The following MFAP1 variants were observed in gnomAD, a reference collection of about 807,000 sequenced individuals.
MFAP1 encodes microfibrillar-associated protein 1.
A neutral mutation model predicts 62.2 loss-of-function variants in MFAP1; 18 were observed. That is an observed-to-expected ratio of 0.29 (90% confidence interval 0.20 to 0.43). MFAP1 has a LOEUF of 0.43. Ranked by LOEUF, MFAP1 falls within the 20% of genes least tolerant of loss-of-function variation. The pLI, the probability that MFAP1 is intolerant of heterozygous loss-of-function variation, is 1.00. For missense variants in MFAP1, 355 were observed against 559.7 expected (o/e 0.63, Z 3.69); for synonymous variants, 175 against 180.4 (o/e 0.97, Z 0.24).
At chr15:43,820,408 A>G (rs1175891674) in intron 1 of MFAP1, among the ~76,000 whole-genome samples, 1 of 152,226 alleles carries the variant, frequency 6.6e-6, no homozygotes, top group Non-Finnish European at 1.5e-5. Flanking sequence ...TTATGGTTCT[A>G]ATTTGGGCAA....
intron 1 of MFAP1, 118 bp from the exon 2 acceptor site, chr15:43,817,566 G>A: frequency 1.0e-6 from 1 of 1,004,372 alleles, no homozygotes; most frequent in South Asian, 1.6e-5. Context: ...AGCAGAAGAA[G>A]AAGAGAGCCA....
chr15:43,817,314 C>T lies in MFAP1; in HGVS notation c.214G>A (p.Glu72Lys). 2 of 1,614,160 alleles carry T rather than the reference C, an allele frequency of 1.2e-6. No homozygotes were observed. Among genetic ancestry groups the T allele is most frequent in the Non-Finnish European group, 1.7e-6 (2 of 1,180,046 alleles). ...FIKKAKEQEA[E>K]PEEQEEDSSS... ...GAATCCTCCTCCTGTTCCTCAGGCT[C>T]TGCTTCTTGTTCTTTGGCTTTCTTA... Residue 72 changes from glutamate to lysine, a missense_variant, in exon 2 of 9, where the codon GAG (glutamate) becomes AAG (lysine). Around this residue, in one of 6 missense-constraint regions of MFAP1, gnomAD observed 257 missense variants for 341.3 expected, o/e 0.75. Transcript: ENST00000267812.
intron 7 of MFAP1, among the ~76,000 whole-genome samples, chr15:43,806,656 C>T (rs1596054456): frequency 1.3e-5 from 2 of 152,260 alleles, no homozygotes; most frequent in South Asian, 2.1e-4. Flanking sequence ...GGGCGGATCA[C>T]GAGGTCACGA....
chr15:43,809,513 A>G (rs1001268666), intron 7 of MFAP1, among the ~76,000 whole-genome samples: 3 of 151,470 alleles, frequency 2.0e-5, no homozygotes, highest in South Asian at 2.1e-4. Context: ...AAAAAAGTCT[A>G]TTACATCATT....
At position 43,814,578 on chromosome 15, in the gene MFAP1, T is replaced by G; in HGVS notation, c.540A>C (p.Glu180Asp). The G allele has an allele frequency of 6.2e-7, 1 of 1,614,166 alleles. No individual in the cohort carries two copies. Among genetic ancestry groups the G allele is most frequent in the Non-Finnish European group, 8.5e-7 (1 of 1,180,022 alleles). ...EDEGRSGEES[E>D]SESEYEEYTD... ...TGTACTCTTCATACTCAGACTCTGATTCTGACTCCTCTCCAGAACGACCCT... is the reference window on the plus strand; with the variant it reads ...TGTACTCTTCATACTCAGACTCTGAGTCTGACTCCTCTCCAGAACGACCCT... Residue 180 changes from glutamate (E) to aspartate (D), a missense_variant, in exon 4 of 9, where the codon GAA becomes GAC. Physicochemically the swap from Glu to Asp is conservative, Grantham distance 45 (BLOSUM62 2). Around this residue, in one of 6 missense-constraint regions of MFAP1, gnomAD observed 257 missense variants for 341.3 expected, o/e 0.75. Transcript: ENST00000267812.
chr15:43,815,058 T>C lies in MFAP1; in HGVS notation c.316A>G (p.Lys106Glu), dbSNP rs1596057388. 6.2e-7 allele frequency: 1 copy of C among 1,614,148 alleles called. No individual in the cohort carries two copies. The highest frequency in any genetic ancestry group is 8.5e-7 in the Non-Finnish European group (1 of 1,180,036). Residue 106 changes from lysine to glutamate, a missense_variant, in exon 3 of 9, where the codon AAA (lysine) becomes GAA (glutamate). Around this residue, in one of 6 missense-constraint regions of MFAP1, gnomAD observed 257 missense variants for 341.3 expected, o/e 0.75. Transcript: ENST00000267812. Reference sequence around the variant, plus strand: ...CCTACCACTTCAGGTTCCACTATTTTTCGATGTCGAGCCAATCTGAAAAAC... The same window carrying C: ...CCTACCACTTCAGGTTCCACTATTTCTCGATGTCGAGCCAATCTGAAAAAC... The part of the protein sequence containing the change: ...DVEERLARHR[K>E]IVEPEVVGES...
chr15:43,811,281 G>A (rs1007056642), intron 6 of MFAP1, among the ~76,000 whole-genome samples: 2 of 150,406 alleles, frequency 1.3e-5, no homozygotes, highest in African/African-American at 4.9e-5. Context: ...TGGGCGTGGT[G>A]GCATATACCT....
chr15:43,804,950 G>A lies in MFAP1; in HGVS notation c.*144C>T, dbSNP rs552138162. 2.2e-6 allele frequency: 2 copies of A among 894,370 alleles called. No individual in the cohort carries two copies. The highest frequency in any genetic ancestry group is 2.2e-5 in the South Asian group (1 of 46,388). The allele number at this position is 894,370 out of a possible 1,614,324, so 55.4% of individuals were successfully genotyped here. A position where few individuals can be genotyped will look rare whatever the true frequency, so the allele number is the denominator to read the frequency against. ...CCAAACCTCACAAAGCACCTTCAAAGTCTGGGCTACCCAGTATCACAAGTA... is the reference window on the plus strand; with the variant it reads ...CCAAACCTCACAAAGCACCTTCAAAATCTGGGCTACCCAGTATCACAAGTA... On this transcript the variant is annotated 3_prime_UTR_variant, in exon 9 of 9. Coordinates refer to ENST00000267812, the MANE Select transcript of MFAP1 (RefSeq NM_005926.3).
intron 6 of MFAP1, among the ~76,000 whole-genome samples, chr15:43,812,601 C>T (rs2087408836): frequency 6.6e-6 from 1 of 152,132 alleles, no homozygotes; most frequent in African/African-American, 2.4e-5. Context: ...TAAGTAAGCC[C>T]AGGTGAAATC....
chr15:43,809,914 C>T lies in MFAP1; in HGVS notation c.888G>A (p.Ala296=), dbSNP rs763245535. The T allele has an allele frequency of 1.2e-6, 2 of 1,614,154 alleles. No individual in the cohort carries two copies. The highest frequency in any genetic ancestry group is 2.2e-5 in the South Asian group (2 of 91,082). The change falls in exon 7 of 9, where the codon GCG becomes GCA. Residue 296 remains alanine (A), a splice_region_variant and synonymous_variant. Coordinates refer to ENST00000267812, the MANE Select transcript of MFAP1 (RefSeq NM_005926.3). ...CAATTTCTGCTTTCTCCTTCTCAAG[C>T]CTGTCCAGGGAGCAAAACAATTTAT... is the stretch of plus-strand genomic sequence containing the variant. ...RIKRDREDRE[A]LEKEKAEIER... is the part of the protein sequence containing the mutation.
chr15:43,817,727 T>TC (rs765384841), intron 1 of MFAP1, among the ~76,000 whole-genome samples: 83 of 150,086 alleles, frequency 5.5e-4, no homozygotes, highest in East Asian at 2.9e-3. Flanking sequence ...TAGAAAAAAG[T>TC]CCCCCCCCAA....
intron 7 of MFAP1, among the ~76,000 whole-genome samples, chr15:43,806,623 C>G (rs1368684065): frequency 6.6e-6 from 1 of 152,214 alleles, no homozygotes; most frequent in Non-Finnish European, 1.5e-5. Flanking sequence ...GCCCGTAATC[C>G]CAGCACTTTG....
chr15:43,823,922 G>C (rs1181773393), intron 1 of MFAP1, among the ~76,000 whole-genome samples: 1 of 152,120 alleles, frequency 6.6e-6, no homozygotes, highest in Non-Finnish European at 1.5e-5. Flanking sequence ...AGCATAAGCA[G>C]ACTTCTATGG....
chr15:43,814,150 G>A (rs2087420251), intron 4 of MFAP1, among the ~76,000 whole-genome samples: 1 of 152,170 alleles, frequency 6.6e-6, no homozygotes, highest in Admixed American at 6.5e-5. Context: ...CTACTCGGGA[G>A]ACAGAGGCAG....
chr15:43,818,504 CAAA>C (rs35298718), intron 1 of MFAP1, among the ~76,000 whole-genome samples: 1 of 124,398 alleles, frequency 8.0e-6, no homozygotes. Context: ...TAAAAACTAC[CAAA>C]AAAAAAAAAA....
chr15:43,815,032 T>A lies in MFAP1; in HGVS notation c.342A>T (p.Gly114=), dbSNP rs1425170648. The change falls in exon 3 of 9, where the codon GGA becomes GGT. Residue 114 remains glycine, a synonymous_variant. Transcript: ENST00000267812. ...CTCCTTCTACTTCTGAGTCACTCTC[T>A]CCTACCACTTCAGGTTCCACTATTT... The part of the protein sequence containing the change: ...HRKIVEPEVV[G]ESDSEVEGDA... The A allele has an allele frequency of 2.5e-6, 4 of 1,614,086 alleles. No individual in the cohort carries two copies. The highest frequency in any genetic ancestry group is 3.4e-6 in the Non-Finnish European group (4 of 1,180,042).
intron 1 of MFAP1, among the ~76,000 whole-genome samples, chr15:43,821,071 G>GT (rs376847746): frequency 6.6e-6 from 1 of 151,962 alleles, no homozygotes; most frequent in Non-Finnish European, 1.5e-5. Context: ...AGGTAATTTT[G>GT]TTTTTTTGTA....
chr15:43,817,420 T>C lies in MFAP1; in HGVS notation c.108A>G (p.Val36=), dbSNP rs1381029588. 2 of 1,614,060 alleles carry C rather than the reference T, an allele frequency of 1.2e-6. No individual in the cohort carries two copies. Among genetic ancestry groups the C allele is most frequent in the African/African-American group, 2.7e-5 (2 of 74,922 alleles). ...KGEISMEKVK[V]KRYVSGKRPD... ...GCCTTTTTCCGGACACATAACGCTT[T>C]ACCTTCACTTTTTCCATTGAAATCT... The change falls in exon 2 of 9, where the codon GTA becomes GTG. Residue 36 remains valine (V), a synonymous_variant. Transcript: ENST00000267812.
At chr15:43,812,008 G>C (rs2087404444) in intron 6 of MFAP1, among the ~76,000 whole-genome samples, 1 of 151,978 alleles carries the variant, frequency 6.6e-6, no homozygotes, top group Non-Finnish European at 1.5e-5. Context: ...TGACCAACAT[G>C]GTGAAACCCT....
Sources: gnomAD v4.1 joint callset for allele counts (sites outside exome capture counted in the v4.1 genomes callset) on GRCh38, gnomAD v4.1.1 for gene constraint, gnomAD v4.1.1 regional missense constraint, MANE v1.5 for transcripts, NCBI Gene and HGNC (gene_info 2026-07-23, HGNC 2026-07-21) for gene names.